AMZ2: variants seen among roughly 807,000 people sequenced by gnomAD.
AMZ2 encodes the protein archaelysin family metallopeptidase 2.
AMZ2 carries 26 observed loss-of-function variants against 36.7 expected under a neutral mutation model. The observed-to-expected ratio is 0.71, with a 90% CI of 0.52 to 0.98. The LOEUF is 0.98. AMZ2 is among the 50% of genes least tolerant of loss of function. The pLI is 0.00. For synonymous variants in AMZ2, 144 were observed against 149.1 expected (o/e 0.97, Z 0.25); for missense variants, 394 against 430.5 (o/e 0.92, Z 0.75).
At chr17:68,222,812 G>C (rs1224702627) in intron 1 of AMZ2, among the ~76,000 whole-genome samples, 19 of 152,320 alleles carry the variant, frequency 1.2e-4, no homozygotes, top group Non-Finnish European at 2.6e-4. Context: ...TAAATTCAGA[G>C]GAAGCTTTCC....
chr17:68,250,341 A>G lies in AMZ2; in HGVS notation c.154A>G (p.Thr52Ala). Residue 52 changes from threonine (T) to alanine (A), a missense_variant, in exon 2 of 7, where the codon ACC becomes GCC. By Grantham distance (58) the Thr-to-Ala change is moderately conservative. Coordinates refer to ENST00000359904, the MANE Select transcript of AMZ2 (RefSeq NM_016627.5). ...QPASDLFGPI[T>A]LHSPSDWITS... ...AGCCAGTGATCTCTTTGGACCCATT[A>G]CCTTGCATTCTCCATCAGATTGGAT... 1 of 1,614,170 alleles carries G rather than the reference A, an allele frequency of 6.2e-7. No individual in the cohort carries two copies. Among genetic ancestry groups the G allele is most frequent in the Non-Finnish European group, 8.5e-7 (1 of 1,180,030 alleles).
chr17:68,251,259 A>G, intron 4 of AMZ2, 81 bp downstream of exon 4: 1 of 1,467,050 alleles, frequency 6.8e-7, no homozygotes, highest in Non-Finnish European at 9.2e-7. Flanking sequence ...AAAAAATTCC[A>G]ACCAAGAATC....
At chr17:68,236,841 A>G (rs2073801512) in intron 1 of AMZ2, among the ~76,000 whole-genome samples, 1 of 152,162 alleles carries the variant, frequency 6.6e-6, no homozygotes, top group Non-Finnish European at 1.5e-5. Flanking sequence ...TGGCCTCCCA[A>G]AGTGTTGGGA....
At chr17:68,240,291 T>C (rs782593441) in intron 1 of AMZ2, among the ~76,000 whole-genome samples, 32 of 152,148 alleles carry the variant, frequency 2.1e-4, no homozygotes, top group Non-Finnish European at 4.0e-4. Context: ...ACTATCACAT[T>C]GGGGGTAAGG....
chr17:68,227,874 C>G (rs2073555831), intron 1 of AMZ2, among the ~76,000 whole-genome samples: 1 of 152,126 alleles, frequency 6.6e-6, no homozygotes, highest in South Asian at 2.1e-4. Flanking sequence ...TAGGGCCCAC[C>G]CATGTAATCC....
chr17:68,234,388 C>A (rs2073738265), intron 1 of AMZ2, among the ~76,000 whole-genome samples: 3 of 150,692 alleles, frequency 2.0e-5, no homozygotes, highest in African/African-American at 7.3e-5. Context: ...GTCAAGGCTG[C>A]AGTGAGTGCA....
chr17:68,212,620 G>A (rs2073096786), intron 1 of AMZ2, among the ~76,000 whole-genome samples: 1 of 151,928 alleles, frequency 6.6e-6, no homozygotes, highest in Admixed American at 6.6e-5. Flanking sequence ...AGGTTGGGGT[G>A]CAACGGCTCA....
intron 4 of AMZ2, chr17:68,251,471 A>G (rs2074468260): frequency 1.6e-5 from 4 of 255,958 alleles, no homozygotes; most frequent in Non-Finnish European, 3.0e-5. Context: ...AAGCCTGGAC[A>G]ACATAGACCA....
intron 1 of AMZ2, among the ~76,000 whole-genome samples, chr17:68,216,754 G>A (rs782528502): frequency 3.9e-5 from 6 of 152,124 alleles, no homozygotes; most frequent in Non-Finnish European, 8.8e-5. Flanking sequence ...CTTTAGGCCG[G>A]GCACGGTGGC....
chr17:68,222,638 A>T (rs2144552412), intron 1 of AMZ2, among the ~76,000 whole-genome samples: 1 of 152,238 alleles, frequency 6.6e-6, no homozygotes, highest in Middle Eastern at 3.4e-3. Flanking sequence ...TTGATGGGAG[A>T]CAGCGATAGA....
chr17:68,224,243 A>C (rs1466919837), intron 1 of AMZ2, among the ~76,000 whole-genome samples: 1 of 152,190 alleles, frequency 6.6e-6, no homozygotes, highest in Non-Finnish European at 1.5e-5. Flanking sequence ...GTGCCCGCTA[A>C]TGGATTTTCT....
intron 1 of AMZ2, among the ~76,000 whole-genome samples, chr17:68,224,441 T>G (rs782406445): frequency 1.3e-5 from 2 of 152,242 alleles, no homozygotes; most frequent in Non-Finnish European, 1.5e-5. Flanking sequence ...TGCGTGTTGC[T>G]TGCCTTACCT....
intron 1 of AMZ2, among the ~76,000 whole-genome samples, chr17:68,219,618 A>G (rs1442909390): frequency 3.6e-4 from 54 of 151,572 alleles, no homozygotes; most frequent in African/African-American, 1.2e-3. Context: ...TTTCGCTTTG[A>G]CTTCCCAGGT....
At position 68,250,355 on chromosome 17, in the gene AMZ2, A is replaced by G. The variant is rs2074359131; in HGVS notation, c.168A>G (p.Pro56=). 1 of 1,614,196 alleles carries G rather than the reference A, an allele frequency of 6.2e-7. No individual in the cohort carries two copies. ...TTGGACCCATTACCTTGCATTCTCC[A>G]TCAGATTGGATCACCTCCCACCCTG... ...DLFGPITLHS[P]SDWITSHPEA... The change falls in exon 2 of 7, where the codon CCA becomes CCG. Residue 56 remains proline (P), a synonymous_variant. Coordinates refer to ENST00000359904, the MANE Select transcript of AMZ2 (RefSeq NM_016627.5).
chr17:68,217,743 G>C (rs2073234668), intron 1 of AMZ2, among the ~76,000 whole-genome samples: 1 of 151,460 alleles, frequency 6.6e-6, no homozygotes, highest in Non-Finnish European at 1.5e-5. Flanking sequence ...TTCCATTATT[G>C]CTTTTATTTA....
intron 1 of AMZ2, among the ~76,000 whole-genome samples, chr17:68,211,770 GTATATGTA>G (rs1383443498): frequency 3.2e-5 from 4 of 125,622 alleles, no homozygotes; most frequent in Admixed American, 7.6e-5. Context: ...GTATATATGT[GTATATGTA>G]TATATGTATA....
chr17:68,226,257 A>T (rs1555729871), intron 1 of AMZ2, among the ~76,000 whole-genome samples: 1 of 152,142 alleles, frequency 6.6e-6, no homozygotes, highest in African/African-American at 2.4e-5. Context: ...CTGGGAGAAG[A>T]CCTGCCTACT....
intron 1 of AMZ2, among the ~76,000 whole-genome samples, chr17:68,218,620 G>A (rs1555727862): frequency 6.6e-6 from 1 of 152,098 alleles, no homozygotes; most frequent in Non-Finnish European, 1.5e-5. Flanking sequence ...GACTTTAGTT[G>A]CCATCAGACC....
intron 1 of AMZ2, among the ~76,000 whole-genome samples, chr17:68,222,846 T>C (rs1414414736): frequency 6.6e-6 from 1 of 152,198 alleles, no homozygotes; most frequent in Non-Finnish European, 1.5e-5. Context: ...GCTCACCTCC[T>C]GCTGTGTGGC....
Sources: allele counts gnomAD v4.1 joint callset (sites outside exome capture counted in the v4.1 genomes callset), GRCh38; gene constraint gnomAD v4.1.1; transcripts MANE v1.5; gene names NCBI Gene and HGNC (gene_info 2026-07-23, HGNC 2026-07-21).